CCDC40: variants seen among roughly 807,000 people sequenced by gnomAD.
CCDC40 encodes coiled-coil domain-containing protein 40.
A neutral mutation model predicts 124.5 loss-of-function variants in CCDC40; 104 were observed. The observed-to-expected ratio is 0.84, with a 90% confidence interval of 0.71 to 0.98. The LOEUF is 0.98. CCDC40 is among the 50% of genes least tolerant of loss of function. The pLI, the probability that CCDC40 is intolerant of heterozygous loss-of-function variation, is 0.00. For synonymous variants in CCDC40, 580 were observed against 602.9 expected, an observed-to-expected ratio of 0.96 and a Z score of 0.56; for missense variants, 1,463 against 1,503.9, an observed-to-expected ratio of 0.97 and a Z score of 0.45.
intron 7 of CCDC40, among the ~76,000 whole-genome samples, chr17:80,052,050 G>T (rs1388784899): frequency 2.6e-5 from 4 of 152,266 alleles, no homozygotes; most frequent in Non-Finnish European, 2.9e-5. Context: ...GCCCTGACCG[G>T]GGGGCAGCCA....
In CCDC40 at chr17:80,058,833, G is replaced by C; in HGVS notation, c.1318-25G>C. ...CTCAGCCACGGGCACCTCCTGACGG[G>C]GCTGCTTCTCATCCTGTTTCCCAGG... On this transcript the variant is annotated intron_variant, in intron 8 of 19. Coordinates refer to ENST00000397545, the MANE Select transcript of CCDC40 (RefSeq NM_017950.4). This position sits in a 1 kb window ranked among gnomAD's most constrained non-coding sequence, Gnocchi z 4.2. 1 of 1,613,932 alleles carries C rather than the reference G, an allele frequency of 6.2e-7. No individual in the cohort carries two copies. The highest frequency in any genetic ancestry group is 8.5e-7 in the Non-Finnish European group (1 of 1,179,990).
At chr17:80,069,129 G>T (rs1239600403) in intron 10 of CCDC40, among the ~76,000 whole-genome samples, 3 of 152,058 alleles carry the variant, frequency 2.0e-5, no homozygotes, top group Non-Finnish European at 4.4e-5. Flanking sequence ...CTTTGATTAG[G>T]TTCCAGCCAA....
In CCDC40 at chr17:80,041,935, C is replaced by T. The variant is rs184097769; in HGVS notation, c.552+1665C>T. Among the ~76,000 whole-genome samples, 257 of 152,214 alleles carry T rather than the reference C, an allele frequency of 1.7e-3. 3 individuals carry two copies. Among genetic ancestry groups the T allele is most frequent in the Middle Eastern group, 0.014 (4 of 294 alleles). On this transcript the variant is annotated intron_variant, in intron 3 of 19. Coordinates refer to ENST00000397545, the MANE Select transcript of CCDC40 (RefSeq NM_017950.4). ...CTTCATTGTGAAGCGACCTTTTACT[C>T]CTTTATACTTAATGAAGATTTTGTG...
At chr17:80,097,656 A>G (rs1033851970) in intron 19 of CCDC40, 5 of 530,130 alleles carry the variant, frequency 9.4e-6, no homozygotes, top group African/African-American at 7.6e-5. Flanking sequence ...ACAAAATAGA[A>G]CACAAAAAAC....
In CCDC40 at chr17:80,095,444, T is replaced by A; in HGVS notation, c.3014T>A (p.Val1005Asp). 1 of 1,614,134 alleles carries A rather than the reference T, an allele frequency of 6.2e-7. No individual in the cohort carries two copies. The stretch of plus-strand genomic sequence containing the variant: ...GAGCTGCGCCGGAAAATCAGGGACG[T>A]TCGCAAGGTAGGGAGCAGCGGAAAG... ...QLELRRKIRD[V>D]RKATDECTKT... Residue 1005 changes from valine to aspartate, a missense_variant, in exon 18 of 20, where the codon GTT (valine) becomes GAT (aspartate). By Grantham distance (152) the Val-to-Asp change is radical. Coordinates refer to ENST00000397545, the MANE Select transcript of CCDC40 (RefSeq NM_017950.4).
At chr17:80,054,779 G>T (rs570363591) in intron 7 of CCDC40, among the ~76,000 whole-genome samples, 20 of 152,108 alleles carry the variant, frequency 1.3e-4, no homozygotes, top group Non-Finnish European at 2.8e-4. Context: ...TTCGAGACCA[G>T]CCTGGCCAAC....
chr17:80,095,509 C>T, intron 18 of CCDC40, 58 bp downstream of exon 18: 2 of 1,555,550 alleles, frequency 1.3e-6, no homozygotes, highest in Non-Finnish European at 8.8e-7. Context: ...ATTCAAGGAA[C>T]ACTCCAGGAA....
Position 80,058,802 on chromosome 17 carries a change from C to T in CCDC40, c.1318-56C>T, listed in dbSNP as rs2143649961. 3.1e-6 allele frequency: 5 copies of T among 1,613,250 alleles called. No individual in the cohort carries two copies. The highest frequency in any genetic ancestry group is 4.2e-6 in the Non-Finnish European group (5 of 1,179,598). On this transcript the variant is annotated intron_variant, in intron 8 of 19. Transcript: ENST00000397545. The surrounding 1 kb of genome is among the most constrained non-coding windows in gnomAD (Gnocchi z 4.2). Reference sequence around the variant, plus strand: ...ACTTGTATCAAGGGTTGGTGGAGAACAGGCCCTCAGCCACGGGCACCTCCT... The same window carrying T: ...ACTTGTATCAAGGGTTGGTGGAGAATAGGCCCTCAGCCACGGGCACCTCCT...
intron 9 of CCDC40, among the ~76,000 whole-genome samples, chr17:80,061,945 G>A (rs7217817): frequency 0.18 from 27,946 of 152,002 alleles, 3,158 homozygotes; most frequent in East Asian, 0.37. Context: ...TAACATTTTT[G>A]TATGTTAAAA....
chr17:80,073,224 C>T (rs1383299118), intron 10 of CCDC40, among the ~76,000 whole-genome samples: 1 of 152,066 alleles, frequency 6.6e-6, no homozygotes, highest in Non-Finnish European at 1.5e-5. Flanking sequence ...AGGATGATCT[C>T]GATCTCCTGA....
At chr17:80,037,690 G>GATATATAT (rs757748232) in intron 1 of CCDC40, among the ~76,000 whole-genome samples, 2,958 of 91,958 alleles carry the variant, frequency 0.032, 187 homozygotes, top group East Asian at 0.05. Flanking sequence ...TTTTAAAAAA[G>GATATATAT]ATATACATAT....
chr17:80,094,404 T>C (rs555264119), intron 17 of CCDC40, among the ~76,000 whole-genome samples: 6 of 149,788 alleles, frequency 4.0e-5, no homozygotes, highest in Non-Finnish European at 8.9e-5. Flanking sequence ...AGAAGGAGAC[T>C]GTGTCTCAAA....
intron 17 of CCDC40, chr17:80,090,820 A>G: frequency 1.7e-6 from 2 of 1,207,928 alleles, no homozygotes; most frequent in East Asian, 4.4e-5. Context: ...ATGCCATGCT[A>G]AATAGAAATT....
At chr17:80,079,056 A>G (rs1489046442) in intron 10 of CCDC40, among the ~76,000 whole-genome samples, 1 of 151,482 alleles carries the variant, frequency 6.6e-6, no homozygotes, top group African/African-American at 2.4e-5. Context: ...GCCTCAGTGT[A>G]CCAAGTAGCT....
In CCDC40 at chr17:80,050,086, G is replaced by A. The variant is rs114740534; in HGVS notation, c.962G>A (p.Arg321Gln). 45 of 1,613,990 alleles carry A rather than the reference G, an allele frequency of 2.8e-5. No homozygotes were observed. Among genetic ancestry groups the A allele is most frequent in the Middle Eastern group, 1.6e-4 (1 of 6,062 alleles). Residue 321 changes from arginine to glutamine, a missense_variant, in exon 7 of 20, where the codon CGA becomes CAA. Transcript: ENST00000397545. ...QELVVATKQS[R>Q]AQRQELGVNL... Reference sequence around the variant, plus strand: ...CAGGTTGTGGCTACCAAGCAGAGCCGAGCCCAGCGGCAGGAGCTGGGGGTG... The same window carrying A: ...CAGGTTGTGGCTACCAAGCAGAGCCAAGCCCAGCGGCAGGAGCTGGGGGTG...
chr17:80,067,248 TC>T (rs1399483270), intron 10 of CCDC40: 1 of 447,956 alleles, frequency 2.2e-6, no homozygotes, highest in Non-Finnish European at 4.0e-6. Flanking sequence ...CTCATTGCCC[TC>T]AGAGACATGG....
chr17:80,090,210 C>G lies in CCDC40; in HGVS notation c.2832+326C>G, dbSNP rs1314843278. The G allele has an allele frequency of 1.1e-5, 8 of 760,498 alleles. 1 individual carries two copies. The highest frequency in any genetic ancestry group is 7.0e-5 in the South Asian group (3 of 42,906). 47.1% of individuals were successfully genotyped at this position (760,498 alleles called of 1,614,324 possible). On this transcript the variant is annotated intron_variant, in intron 17 of 19. Transcript: ENST00000397545. ...AACACGGGACGCACGCAGGCACGTG[C>G]ACGAAGAACACGGGACGCGCGCAGG...
At chr17:80,094,619 C>T (rs942754324) in intron 17 of CCDC40, among the ~76,000 whole-genome samples, 1 of 151,972 alleles carries the variant, frequency 6.6e-6, no homozygotes, top group Admixed American at 6.6e-5. Context: ...CACTTGAACC[C>T]GGGAGGCGAA....
intron 5 of CCDC40, among the ~76,000 whole-genome samples, 181 bp downstream of exon 5, chr17:80,048,942 G>A (rs940903119): frequency 6.6e-6 from 1 of 152,166 alleles, no homozygotes; most frequent in Non-Finnish European, 1.5e-5. Flanking sequence ...TCTCCTCTGA[G>A]GTTGGTATAG....
Sources: gnomAD v4.1 joint callset for allele counts (sites outside exome capture counted in the v4.1 genomes callset) on GRCh38, gnomAD v4.1.1 for gene constraint, Gnocchi (gnomAD v3.1) non-coding constraint, MANE v1.5 for transcripts, NCBI Gene and HGNC (gene_info 2026-07-23, HGNC 2026-07-21) for gene names.